The following NOVA1 variants were observed in gnomAD, a reference collection of about 807,000 sequenced individuals.
The protein encoded by NOVA1 is RNA-binding protein Nova-1.
A neutral mutation model predicts 38.0 loss-of-function variants in NOVA1; 7 were observed. The observed-to-expected ratio is 0.18, with a 90% CI of 0.10 to 0.35. The LOEUF is 0.35. Ranked by LOEUF, NOVA1 falls within the 10% of genes least tolerant of loss-of-function variation. NOVA1 has a pLI of 1.00. For missense variants in NOVA1, 460 were observed against 616.0 expected, an observed-to-expected ratio of 0.75 and a Z score of 2.68; for synonymous variants, 270 against 232.5, an observed-to-expected ratio of 1.16 and a Z score of -1.47.
chr14:26,453,398 G>T (rs1247168971), intron 4 of NOVA1, among the ~76,000 whole-genome samples: 1 of 151,794 alleles, frequency 6.6e-6, no homozygotes, highest in Non-Finnish European at 1.5e-5. Context: ...TAAATTAAAA[G>T]AATCTTTACT....
chr14:26,517,054 T>A (rs1888522954), intron 2 of NOVA1, among the ~76,000 whole-genome samples: 1 of 151,990 alleles, frequency 6.6e-6, no homozygotes, highest in African/African-American at 2.4e-5. Flanking sequence ...TACAGGTATG[T>A]GCCACCATGC....
intron 3 of NOVA1, 83 bp from the exon 4 acceptor site, chr14:26,472,474 TG>T: frequency 1.7e-6 from 1 of 578,136 alleles, no homozygotes; most frequent in Non-Finnish European, 2.7e-6. Flanking sequence ...TAAAATAAAA[TG>T]TAATATAACG....
Position 26,446,575 on chromosome 14 carries a change from T to G in NOVA1, c.*1384A>C, listed in dbSNP as rs1165587711. ...TTTGTCCATTGAATTTAAGACTGCA[T>G]GCACAGCATGAGGAGGTGCTTGGGG... On this transcript the variant is annotated 3_prime_UTR_variant, in exon 5 of 5. Coordinates refer to ENST00000539517, the MANE Select transcript of NOVA1 (RefSeq NM_002515.3). The G allele has an allele frequency of 1.3e-5, 2 of 152,748 alleles. No individual in the cohort carries two copies. The highest frequency in any genetic ancestry group is 4.8e-5 in the African/African-American group (2 of 41,470). 9.5% of individuals were successfully genotyped at this position (152,748 alleles called of 1,614,324 possible).
In NOVA1 at chr14:26,474,643, T is replaced by C. The variant is rs147846262; in HGVS notation, c.448-2252A>G. On this transcript the variant is annotated intron_variant, in intron 3 of 4. Transcript: ENST00000539517. Reference sequence around the variant, plus strand: ...TCAATGATTTTAAATTTCTAGACAATATCAATGTGCCTAAGATAATTAAAC... The same window carrying C: ...TCAATGATTTTAAATTTCTAGACAACATCAATGTGCCTAAGATAATTAAAC... Among the ~76,000 whole-genome samples the C allele has an allele frequency of 8.4e-3, 1,275 of 152,082 alleles. 7 individuals are homozygous for C. The highest frequency in any genetic ancestry group is 0.013 in the Non-Finnish European group (888 of 67,912).
chr14:26,590,010 A>C (rs1893749493), intron 2 of NOVA1, among the ~76,000 whole-genome samples: 1 of 151,902 alleles, frequency 6.6e-6, no homozygotes, highest in South Asian at 2.1e-4. Flanking sequence ...GCTCCATAGC[A>C]GCTGCAGTGC....
intron 4 of NOVA1, among the ~76,000 whole-genome samples, chr14:26,461,510 T>C (rs1025237487): frequency 1.8e-4 from 28 of 152,200 alleles, no homozygotes; most frequent in Admixed American, 5.2e-4. Flanking sequence ...GTGTGGATAA[T>C]AGACTACCTA....
intron 2 of NOVA1, chr14:26,549,875 C>T: frequency 2.2e-6 from 1 of 445,620 alleles, no homozygotes; most frequent in Non-Finnish European, 4.2e-6. Context: ...TACATACATA[C>T]AGGGATGAAA....
At chr14:26,453,185 TATGTATGTATGTATGTATGTATG>T (rs1882855663) in intron 4 of NOVA1, among the ~76,000 whole-genome samples, 1 of 65,120 alleles carries the variant, frequency 1.5e-5, no homozygotes, top group South Asian at 6.4e-4. Flanking sequence ...TGTATGTATG[TATGTATGTATGTATGTATGTATG>T]TATTTATTTA....
chr14:26,472,091 A>C, intron 4 of NOVA1: 1 of 452,120 alleles, frequency 2.2e-6, no homozygotes, highest in Non-Finnish European at 3.9e-6. Flanking sequence ...AAAAATAATA[A>C]AAAATTAGAG....
chr14:26,553,869 G>A (rs927280702), intron 2 of NOVA1, among the ~76,000 whole-genome samples: 6 of 152,086 alleles, frequency 3.9e-5, no homozygotes, highest in Admixed American at 2.6e-4. Flanking sequence ...GGACTAGGCC[G>A]GGCCAGGTGG....
intron 2 of NOVA1, among the ~76,000 whole-genome samples, chr14:26,543,281 A>T (rs377059479): frequency 6.6e-6 from 1 of 152,066 alleles, no homozygotes; most frequent in East Asian, 1.9e-4. Context: ...AAAATAAATA[A>T]GGAGATAGAA....
At chr14:26,472,289 G>T (rs377738468) in intron 4 of NOVA1, 31 bp downstream of exon 4, 45 of 1,363,292 alleles carry the variant, frequency 3.3e-5, no homozygotes, top group Non-Finnish European at 4.0e-5. Context: ...CCCGTGAAAA[G>T]TATGGTGTAG....
At chr14:26,519,948 G>A (rs1770234469) in intron 2 of NOVA1, among the ~76,000 whole-genome samples, 1 of 152,046 alleles carries the variant, frequency 6.6e-6, no homozygotes, top group African/African-American at 2.4e-5. Context: ...ACGTGCAGTT[G>A]GTTTGCATTA....
intron 4 of NOVA1, among the ~76,000 whole-genome samples, chr14:26,465,965 G>C (rs1050399517): frequency 3.3e-5 from 5 of 152,056 alleles, no homozygotes; most frequent in African/African-American, 9.7e-5. Context: ...ACGATAAAGG[G>C]AATCAGGAGT....
intron 2 of NOVA1, among the ~76,000 whole-genome samples, chr14:26,571,386 T>C (rs1483509004): frequency 6.6e-6 from 1 of 152,134 alleles, no homozygotes; most frequent in East Asian, 1.9e-4. Flanking sequence ...CACTCTGGCT[T>C]AAATTAATAC....
chr14:26,566,163 G>T (rs936158087), intron 2 of NOVA1, among the ~76,000 whole-genome samples: 1 of 152,082 alleles, frequency 6.6e-6, no homozygotes, highest in Non-Finnish European at 1.5e-5. Context: ...TGACAAAAGA[G>T]TTCAAGCACC....
chr14:26,537,080 A>C (rs1594490123), intron 2 of NOVA1, among the ~76,000 whole-genome samples: 1 of 152,208 alleles, frequency 6.6e-6, no homozygotes, highest in East Asian at 1.9e-4. Flanking sequence ...TGAACACAAT[A>C]ACTTAAATAC....
chr14:26,545,913 GATTA>G (rs747539972), intron 2 of NOVA1, among the ~76,000 whole-genome samples: 6 of 152,026 alleles, frequency 3.9e-5, no homozygotes, highest in South Asian at 2.1e-4. Context: ...ATTCAGTTAA[GATTA>G]ATTAAAGATA....
intron 4 of NOVA1, chr14:26,470,278 C>A: frequency 7.6e-7 from 1 of 1,307,780 alleles, no homozygotes. Context: ...TTAATCAGGA[C>A]TATTGACAAG....
Sources: gnomAD v4.1 joint callset for allele counts (sites outside exome capture counted in the v4.1 genomes callset) on GRCh38, gnomAD v4.1.1 for gene constraint, MANE v1.5 for transcripts, NCBI Gene and HGNC (gene_info 2026-07-23, HGNC 2026-07-21) for gene names.